The following PRH1 variants were observed in gnomAD, a reference collection of about 807,000 sequenced individuals.
The protein encoded by PRH1 is proline rich protein HaeIII subfamily 1.
Under a neutral mutation model 7.9 loss-of-function variants are expected in PRH1, and 7 were observed. The observed-to-expected ratio is 0.89, with a 90% CI of 0.50 to 1.67. The LOEUF (loss-of-function observed/expected upper bound fraction) is 1.67. Ranked by LOEUF, PRH1 falls within the 40% of genes most tolerant of loss-of-function variation. PRH1 has a pLI of 0.00. For synonymous variants in PRH1, 45 were observed against 80.8 expected, an observed-to-expected ratio of 0.56 and a Z score of 2.38; for missense variants, 109 against 223.6, an observed-to-expected ratio of 0.49 and a Z score of 3.27.
intron 2 of PRH1, among the ~76,000 whole-genome samples, chr12:10,939,857 TA>T (rs1400918678): frequency 2.6e-5 from 4 of 152,080 alleles, no homozygotes; most frequent in South Asian, 4.1e-4. Flanking sequence ...ATTCTCACCA[TA>T]AAAAAATATT....
At chr12:11,088,714 T>C (rs1400141720) in intron 1 of PRH1, among the ~76,000 whole-genome samples, 77 of 95,322 alleles carry the variant, frequency 8.1e-4, no homozygotes, top group Middle Eastern at 4.5e-3. Context: ...TCAAGCAGAA[T>C]CCAGAACAAA....
At position 10,997,667 on chromosome 12, in the gene PRH1, A is replaced by C. The variant is rs141939870; in HGVS notation, c.-125-23946T>G. The stretch of plus-strand genomic sequence containing the variant: ...TAAATTAGATGAAGTTGGATTCAAC[A>C]CAGTTGAATACCAATGTAATAATAT... On this transcript the variant is annotated intron_variant, in intron 1 of 3. Transcript: ENST00000539853. The C allele has an allele frequency of 7.7e-4, 1,245 of 1,613,218 alleles. 6 individuals carry two copies. In the African/African-American group the frequency reaches 0.014, roughly 19 times the overall value.
intron 1 of PRH1, chr12:11,133,285 C>A (rs201930057): frequency 7.1e-5 from 114 of 1,603,114 alleles, no homozygotes; most frequent in Non-Finnish European, 9.0e-5. Context: ...TTGTTTTCTG[C>A]TAGAAGACAC....
intron 1 of PRH1, among the ~76,000 whole-genome samples, chr12:11,063,199 G>C (rs969821904): frequency 4.6e-5 from 7 of 152,048 alleles, no homozygotes; most frequent in African/African-American, 1.4e-4. Flanking sequence ...AAGAATTCCT[G>C]AGTACCCAAC....
chr12:11,168,967 G>T (rs1432900686), intron 1 of PRH1, among the ~76,000 whole-genome samples: 1 of 152,206 alleles, frequency 6.6e-6, no homozygotes, highest in Non-Finnish European at 1.5e-5. Flanking sequence ...ACTGATCAGT[G>T]TCCAAAAGGA....
At chr12:10,954,897 T>C (rs1204286218) in intron 2 of PRH1, among the ~76,000 whole-genome samples, 3 of 152,190 alleles carry the variant, frequency 2.0e-5, no homozygotes, top group Non-Finnish European at 4.4e-5. Flanking sequence ...TCTAAATGTA[T>C]ATGCACCTGA....
intron 1 of PRH1, among the ~76,000 whole-genome samples, chr12:11,106,009 C>G (rs1329766367): frequency 2.0e-5 from 1 of 50,990 alleles, no homozygotes; most frequent in Non-Finnish European, 5.6e-5. Flanking sequence ...GGTGCTATCC[C>G]GGCTCACTGC....
chr12:11,025,045 T>C (rs970969220), intron 1 of PRH1, among the ~76,000 whole-genome samples: 2 of 143,892 alleles, frequency 1.4e-5, no homozygotes, highest in African/African-American at 5.1e-5. Context: ...TTTTGAGACA[T>C]AGTCTCCCTG....
chr12:10,981,536 G>C (rs762812988), intron 1 of PRH1, among the ~76,000 whole-genome samples: 5 of 151,754 alleles, frequency 3.3e-5, no homozygotes, highest in Non-Finnish European at 7.4e-5. Flanking sequence ...CACCACACCT[G>C]GCTAATTTTT....
At chr12:11,011,656 T>C (rs967103841) in intron 1 of PRH1, among the ~76,000 whole-genome samples, 10 of 152,168 alleles carry the variant, frequency 6.6e-5, no homozygotes, top group Non-Finnish European at 1.0e-4. Context: ...ACCAGAATCA[T>C]GACCACTGTG....
intron 1 of PRH1, among the ~76,000 whole-genome samples, chr12:10,998,166 G>C (rs1416993870): frequency 2.0e-5 from 3 of 152,112 alleles, no homozygotes; most frequent in Non-Finnish European, 2.9e-5. Context: ...TACTGATGTT[G>C]AAGGGAAAGC....
chr12:11,061,461 G>C lies in PRH1; in HGVS notation n.124-14273C>G, dbSNP rs139412224. ...TTAGCTTCTTGTTTCCCCAAATCAG[G>C]ATGAATGGGTGGGTTGAAGGATAGC... On this transcript the variant is annotated intron_variant and non_coding_transcript_variant, in intron 1 of 4. Coordinates refer to the PRH1 transcript ENST00000541977. 3.7e-4 allele frequency: 602 copies of C among 1,614,144 alleles called. 7 individuals carry two copies. In the East Asian group the frequency reaches 0.013, roughly 35 times the overall value.
At chr12:11,124,933 C>A (rs1483188068) in intron 1 of PRH1, among the ~76,000 whole-genome samples, 1 of 152,114 alleles carries the variant, frequency 6.6e-6, no homozygotes, top group African/African-American at 2.4e-5. Flanking sequence ...GCCTCTGCCT[C>A]CCTGGTTCAA....
intron 2 of PRH1, among the ~76,000 whole-genome samples, chr12:10,925,139 A>G (rs572903420): frequency 1.1e-4 from 16 of 152,234 alleles, no homozygotes; most frequent in African/African-American, 3.9e-4. Flanking sequence ...CACTGCAGAG[A>G]GCTTTCTTCT....
intron 2 of PRH1, among the ~76,000 whole-genome samples, chr12:10,916,361 T>G (rs1949972739): frequency 6.6e-6 from 1 of 152,112 alleles, no homozygotes. Context: ...AGATGCAGTT[T>G]AACATATTAT....
intron 1 of PRH1, chr12:11,061,629 C>T (rs371448520): frequency 2.7e-5 from 44 of 1,613,972 alleles, no homozygotes; most frequent in Non-Finnish European, 3.5e-5. Flanking sequence ...TTATGTGGAC[C>T]TTCATGCTGG....
Position 11,025,021 on chromosome 12 carries a change from A to ATTT in PRH1, c.-126+21996_-126+21998dup, listed in dbSNP as rs34435271. On this transcript the variant is annotated intron_variant, in intron 1 of 3. Transcript: ENST00000539853. ...ACACACTTAGTTTTCATTGTCATTA[A>ATTT]TTTTTTTTTTTTTTTTTGAGACATA... Among the ~76,000 whole-genome samples the ATTT allele has an allele frequency of 3.7e-4, 52 of 139,380 alleles. 2 individuals carry two copies. The highest frequency in any genetic ancestry group is 6.8e-4 in the South Asian group (3 of 4,410). The allele number at this position is 139,380 out of a possible 152,430, so 91.4% of individuals were successfully genotyped here. A position where few individuals can be genotyped will look rare whatever the true frequency, so the allele number is the denominator to read the frequency against.
At chr12:11,030,640 G>T (rs1157772263) in intron 1 of PRH1, 4 of 1,614,176 alleles carry the variant, frequency 2.5e-6, no homozygotes, top group South Asian at 1.1e-5. Context: ...AGAGGAAAAA[G>T]ATCACAGTTT....
chr12:10,965,353 G>A (rs1938452043), intron 2 of PRH1: 4 of 1,137,754 alleles, frequency 3.5e-6, no homozygotes, highest in Non-Finnish European at 5.0e-6. Flanking sequence ...AAGTTATCAT[G>A]TCTGAACAGA....
Sources: gnomAD v4.1 joint callset for allele counts (sites outside exome capture counted in the v4.1 genomes callset) on GRCh38, gnomAD v4.1.1 for gene constraint, MANE v1.5 for transcripts, NCBI Gene and HGNC (gene_info 2026-07-23, HGNC 2026-07-21) for gene names.